The following STIM2 variants were observed in gnomAD, a reference collection of about 807,000 sequenced individuals.
The protein encoded by STIM2 is stromal interaction molecule 2.
A neutral mutation model predicts 85.8 loss-of-function variants in STIM2; 31 were observed. That is an observed-to-expected ratio of 0.36 (90% CI 0.27 to 0.49). The LOEUF is 0.49. Ranked by LOEUF, STIM2 falls within the 20% of genes least tolerant of loss-of-function variation. STIM2 has a pLI of 0.98. For synonymous variants in STIM2, 356 were observed against 331.1 expected, an observed-to-expected ratio of 1.08 and a Z score of -0.82; for missense variants, 841 against 927.6, an observed-to-expected ratio of 0.91 and a Z score of 1.21.
chr4:26,895,424 A>G (rs10805268), intron 1 of STIM2, among the ~76,000 whole-genome samples: 151,680 of 152,308 alleles, frequency 1, 75,527 homozygotes, highest in Middle Eastern at 1. Context: ...CAATGTTTAA[A>G]ATAACAAATA....
intron 1 of STIM2, among the ~76,000 whole-genome samples, chr4:26,919,041 C>CT (rs1286122740): frequency 6.6e-6 from 1 of 151,310 alleles, no homozygotes. Flanking sequence ...TTTCCTTTCC[C>CT]TTTTTTTGGT....
chr4:26,964,583 A>G (rs928096347), intron 3 of STIM2, among the ~76,000 whole-genome samples: 5 of 152,146 alleles, frequency 3.3e-5, no homozygotes, highest in Non-Finnish European at 5.9e-5. Context: ...TTTAGAATGA[A>G]TTCCAGTTTT....
chr4:26,892,729 G>T (rs1723543283), intron 1 of STIM2, among the ~76,000 whole-genome samples: 1 of 152,162 alleles, frequency 6.6e-6, no homozygotes, highest in Admixed American at 6.5e-5. Context: ...AAGGTCTCTG[G>T]ATTAAATTAT....
chr4:26,914,739 G>A (rs1167649849), intron 1 of STIM2, among the ~76,000 whole-genome samples: 1 of 152,176 alleles, frequency 6.6e-6, no homozygotes, highest in Non-Finnish European at 1.5e-5. Flanking sequence ...TTAGGGTAAA[G>A]TTACGATACA....
chr4:27,007,209 A>G (rs569913917), intron 7 of STIM2, among the ~76,000 whole-genome samples: 2 of 152,204 alleles, frequency 1.3e-5, no homozygotes, highest in African/African-American at 4.8e-5. Context: ...TCTGGTTTTC[A>G]TAACATACAA....
chr4:26,987,591 G>A lies in STIM2; in HGVS notation c.398-7788G>A, dbSNP rs530214273. On this transcript the variant is annotated intron_variant, in intron 3 of 11. Transcript: ENST00000467087. ...TCCTTTGTTCCAGAGCCATGCTGCA[G>A]TTCTGAATCTCCTGGCTGTTTGAAA... 4.6e-5 allele frequency among the ~76,000 whole-genome samples: 7 copies of A among 152,258 alleles called. No homozygotes were observed. In the South Asian group the frequency reaches 1.0e-3, roughly 23 times the overall value.
At chr4:26,954,042 C>T (rs1405218613) in intron 2 of STIM2, among the ~76,000 whole-genome samples, 1 of 152,124 alleles carries the variant, frequency 6.6e-6, no homozygotes, top group Non-Finnish European at 1.5e-5. Context: ...GGGATCTACA[C>T]TAATGTTGGT....
chr4:27,017,999 T>A lies in STIM2; in HGVS notation c.1763+15T>A, dbSNP rs774623262. The stretch of plus-strand genomic sequence containing the variant: ...GAAAAGCAATGGTATTGGCAGTGAA[T>A]AATCTACAGGGCATGTTGGGGCTGG... On this transcript the variant is annotated intron_variant, in intron 11 of 11. Transcript: ENST00000467087. 3.7e-6 allele frequency: 6 copies of A among 1,613,368 alleles called. No homozygotes were observed. Among genetic ancestry groups the A allele is most frequent in the Non-Finnish European group, 5.1e-6 (6 of 1,179,620 alleles).
chr4:26,959,192 T>C (rs960063306), intron 3 of STIM2, among the ~76,000 whole-genome samples: 3 of 152,202 alleles, frequency 2.0e-5, no homozygotes, highest in Admixed American at 6.5e-5. Context: ...CTCTACATGT[T>C]CTGCCTTCTG....
intron 1 of STIM2, among the ~76,000 whole-genome samples, chr4:26,909,126 A>T (rs1724237984): frequency 6.6e-6 from 1 of 152,214 alleles, no homozygotes; most frequent in Admixed American, 6.5e-5. Flanking sequence ...TAACAGTAAT[A>T]TAACAAAAAG....
At position 26,927,767 on chromosome 4, in the gene STIM2, AT is replaced by A. The variant is rs557166466; in HGVS notation, c.282+8134del. 2.6e-3 allele frequency among the ~76,000 whole-genome samples: 349 copies of A among 133,954 alleles called. 3 individuals are homozygous for A. Among genetic ancestry groups the A allele is most frequent in the East Asian group, 6.7e-3 (31 of 4,638 alleles). The allele number at this position is 133,954 out of a possible 152,430, so 87.9% of individuals were successfully genotyped here. On this transcript the variant is annotated intron_variant, in intron 2 of 11. Coordinates refer to ENST00000467087, the MANE Select transcript of STIM2 (RefSeq NM_020860.4). Reference sequence around the variant, plus strand: ...AACTGCTAAACCCTTAAAAAAAAAAATATTATTAATATAATAAAATATATAA... The same window carrying A: ...AACTGCTAAACCCTTAAAAAAAAAAAATTATTAATATAATAAAATATATAA...
At chr4:26,890,693 G>A (rs1281315753) in intron 1 of STIM2, among the ~76,000 whole-genome samples, 1 of 151,148 alleles carries the variant, frequency 6.6e-6, no homozygotes, top group Non-Finnish European at 1.5e-5. Flanking sequence ...GCGTAGTGGC[G>A]GGCGCCTGTA....
At chr4:26,896,252 A>G (rs1723696810) in intron 1 of STIM2, among the ~76,000 whole-genome samples, 1 of 152,208 alleles carries the variant, frequency 6.6e-6, no homozygotes, top group Non-Finnish European at 1.5e-5. Context: ...TGCTTTTAAG[A>G]GCTCATTAGA....
intron 3 of STIM2, among the ~76,000 whole-genome samples, chr4:26,990,975 A>C (rs1462764148): frequency 6.6e-6 from 1 of 152,110 alleles, no homozygotes; most frequent in East Asian, 1.9e-4. Context: ...CTTACATACT[A>C]TTTGTGGGAA....
At chr4:26,935,930 T>A (rs1725375785) in intron 2 of STIM2, among the ~76,000 whole-genome samples, 2 of 152,214 alleles carry the variant, frequency 1.3e-5, no homozygotes, top group Non-Finnish European at 2.9e-5. Context: ...AGATACCTTG[T>A]TTTCTGCTCC....
intron 2 of STIM2, among the ~76,000 whole-genome samples, chr4:26,955,045 CT>C (rs1726193501): frequency 6.9e-6 from 1 of 145,524 alleles, no homozygotes; most frequent in Admixed American, 6.7e-5. Context: ...AATTAAATTC[CT>C]TAGAAATAAA....
At chr4:26,968,006 C>T (rs60006504) in intron 3 of STIM2, among the ~76,000 whole-genome samples, 22,360 of 151,928 alleles carry the variant, frequency 0.15, 1,992 homozygotes, top group South Asian at 0.21. Context: ...TCCATCTCAA[C>T]AAAAAATGAA....
intron 3 of STIM2, among the ~76,000 whole-genome samples, chr4:26,981,629 T>C (rs1727398355): frequency 6.6e-6 from 1 of 152,216 alleles, no homozygotes; most frequent in Admixed American, 6.5e-5. Context: ...TGATGCATTG[T>C]ACCCGGTTGT....
At chr4:26,921,848 T>G (rs1724809855) in intron 2 of STIM2, among the ~76,000 whole-genome samples, 1 of 152,222 alleles carries the variant, frequency 6.6e-6, no homozygotes, top group African/African-American at 2.4e-5. Context: ...AAATCTTCAG[T>G]CTTATAATAT....
Sources: allele counts gnomAD v4.1 joint callset (sites outside exome capture counted in the v4.1 genomes callset), GRCh38; gene constraint gnomAD v4.1.1; transcripts MANE v1.5; gene names NCBI Gene and HGNC (gene_info 2026-07-23, HGNC 2026-07-21).